TMEM41A: variants seen among roughly 807,000 people sequenced by gnomAD.
The protein encoded by TMEM41A is transmembrane protein 41A.
A neutral mutation model predicts 25.7 loss-of-function variants in TMEM41A; 20 were observed. That is an observed-to-expected ratio of 0.78 (90% CI 0.55 to 1.13). TMEM41A has a LOEUF of 1.13. Among genes scored for constraint, TMEM41A ranks in the 50% most tolerant of loss-of-function variants. The pLI is 0.00. For synonymous variants in TMEM41A, 133 were observed against 139.6 expected, an observed-to-expected ratio of 0.95 and a Z score of 0.33; for missense variants, 299 against 314.3, an observed-to-expected ratio of 0.95 and a Z score of 0.37.
At position 185,496,883 on chromosome 3, in the gene TMEM41A, A is replaced by G. The variant is rs1414850526; in HGVS notation, c.218T>C (p.Phe73Ser). 1 of 1,607,056 alleles carries G rather than the reference A, an allele frequency of 6.2e-7. No individual in the cohort carries two copies. The highest frequency in any genetic ancestry group is 8.5e-7 in the Non-Finnish European group (1 of 1,177,820). The change falls in exon 2 of 5, where the codon TTC becomes TCC. Residue 73 changes from phenylalanine (F) to serine (S), a missense_variant. Phe to Ser is a radical substitution (Grantham distance 155, BLOSUM62 -2). Coordinates refer to ENST00000421852, the MANE Select transcript of TMEM41A (RefSeq NM_080652.4). Reference protein sequence around the residue: ...KEHQAYVFLLFCGAYLYKQGF... With the variant: ...KEHQAYVFLLSCGAYLYKQGF... ...CTGTTTGTAGAGGTAGGCGCCGCAG[A>G]AGAGCAGGAACACGTAGGCCTGGTG...
At position 185,490,270 on chromosome 3, in the gene TMEM41A, TA is replaced by T. The variant is rs1362980464; in HGVS notation, c.*1266del. On this transcript the variant is annotated 3_prime_UTR_variant, in exon 5 of 5. Coordinates refer to ENST00000421852, the MANE Select transcript of TMEM41A (RefSeq NM_080652.4). ...AAGGTTTCCTCTTTGAATTAAAAGA[TA>T]AATTAAAAGATACAATTGTTTAGTT... 6.6e-6 allele frequency: 1 copy of T among 151,574 alleles called. No homozygotes were observed. The highest frequency in any genetic ancestry group is 2.4e-5 in the African/African-American group (1 of 41,442). 9.4% of individuals were successfully genotyped at this position (151,574 alleles called of 1,614,324 possible). A position where few individuals can be genotyped will look rare whatever the true frequency, so the allele number is the denominator to read the frequency against.
At chr3:185,493,099 T>G (rs1719004671) in intron 4 of TMEM41A, 1 of 152,204 alleles carries the variant, frequency 6.6e-6, no homozygotes, top group African/African-American at 2.4e-5. Context: ...TAAGGGAGGT[T>G]TAAGAGAAGA....
At chr3:185,496,554 T>G in intron 2 of TMEM41A, 1 of 476,818 alleles carries the variant, frequency 2.1e-6, no homozygotes, top group Non-Finnish European at 3.9e-6. Flanking sequence ...TTCTTCTAGT[T>G]TCCGACAAGG....
intron 3 of TMEM41A, 61 bp from the exon 4 acceptor site, chr3:185,494,822 T>C: frequency 6.5e-7 from 1 of 1,528,226 alleles, no homozygotes; most frequent in African/African-American, 1.4e-5. Context: ...GTTGAAAACC[T>C]GCTGGTGCCA....
At chr3:185,496,698 CT>C in intron 2 of TMEM41A, 129 bp downstream of exon 2, 1 of 1,209,716 alleles carries the variant, frequency 8.3e-7, no homozygotes, top group Non-Finnish European at 1.2e-6. Flanking sequence ...CTGAGGGCCA[CT>C]GTGTGCCAGC....
At chr3:185,497,138 A>C (rs150646065) in intron 1 of TMEM41A, among the ~76,000 whole-genome samples, 157 bp from the exon 2 acceptor site, 2 of 152,340 alleles carry the variant, frequency 1.3e-5, no homozygotes, top group East Asian at 1.9e-4. Flanking sequence ...ATGACCTGAT[A>C]CGACGTTGCG....
At position 185,495,334 on chromosome 3, in the gene TMEM41A, C is replaced by T; in HGVS notation, c.274-19G>A. Reference sequence around the variant, plus strand: ...AAACATTCTGCAAATAAAACAAACCCTCAGGCATGTGAACATCTGGCAGCT... The same window carrying T: ...AAACATTCTGCAAATAAAACAAACCTTCAGGCATGTGAACATCTGGCAGCT... On this transcript the variant is annotated intron_variant, in intron 2 of 4. Transcript: ENST00000421852. 1.2e-6 allele frequency: 2 copies of T among 1,610,080 alleles called. No homozygotes were observed. The highest frequency in any genetic ancestry group is 2.2e-5 in the South Asian group (2 of 90,716).
intron 2 of TMEM41A, 174 bp from the exon 3 acceptor site, chr3:185,495,489 G>T: frequency 1.5e-6 from 1 of 648,390 alleles, no homozygotes; most frequent in Non-Finnish European, 2.6e-6. Flanking sequence ...CACCCAGGCT[G>T]GAGTACAGTG....
intron 1 of TMEM41A, among the ~76,000 whole-genome samples, chr3:185,497,645 T>C (rs1719142217): frequency 6.6e-6 from 1 of 152,230 alleles, no homozygotes; most frequent in African/African-American, 2.4e-5. Flanking sequence ...CCAAGGGTTA[T>C]AGTAGCAAGG....
rs914109008 is a variant in TMEM41A at position 185,494,857 on chromosome 3, A to C, written c.436-96T>G. The stretch of plus-strand genomic sequence containing the variant: ...AGGCACTGTTCTAGACACTTTACAT[A>C]ATCTGTTCCCAATTCTTCCAACAAC... On this transcript the variant is annotated intron_variant, in intron 3 of 4. Coordinates refer to ENST00000421852, the MANE Select transcript of TMEM41A (RefSeq NM_080652.4). The C allele has an allele frequency of 9.4e-6, 13 of 1,390,004 alleles. No individual in the cohort carries two copies. The Admixed American group carries it at 1.6e-4, about 17-fold the overall frequency. 86.1% of individuals were successfully genotyped at this position (1,390,004 alleles called of 1,614,324 possible).
chr3:185,491,237 T>A lies in TMEM41A; in HGVS notation c.*300A>T, dbSNP rs150811875. ...GGTCTTGAACTCCTGACCTTGTGAA[T>A]CACCGGCCTCGGCCTCCCAAAGTGC... On this transcript the variant is annotated 3_prime_UTR_variant, in exon 5 of 5. Transcript: ENST00000421852. 8.8e-6 allele frequency: 2 copies of A among 226,710 alleles called. No homozygotes were observed. Among genetic ancestry groups the A allele is most frequent in the Non-Finnish European group, 1.8e-5 (2 of 114,102 alleles). 14.0% of individuals were successfully genotyped at this position (226,710 alleles called of 1,614,324 possible).
In TMEM41A at chr3:185,491,171, T is replaced by C. The variant is rs186089460; in HGVS notation, c.*366A>G. Reference sequence around the variant, plus strand: ...TGCCACCACGCCTGGCTAATTTTTGTATTTTTATTAGAGACAGGATTTCAC... The same window carrying C: ...TGCCACCACGCCTGGCTAATTTTTGCATTTTTATTAGAGACAGGATTTCAC... On this transcript the variant is annotated 3_prime_UTR_variant, in exon 5 of 5. Coordinates refer to ENST00000421852, the MANE Select transcript of TMEM41A (RefSeq NM_080652.4). 3.8e-3 allele frequency: 659 copies of C among 175,446 alleles called. 9 individuals carry two copies. The highest frequency in any genetic ancestry group is 0.01 in the East Asian group (66 of 6,344). 10.9% of individuals were successfully genotyped at this position (175,446 alleles called of 1,614,324 possible). A position where few individuals can be genotyped will look rare whatever the true frequency, so the allele number is the denominator to read the frequency against.
intron 4 of TMEM41A, chr3:185,494,004 A>C (rs1339065544): frequency 6.6e-6 from 1 of 152,188 alleles, no homozygotes; most frequent in Non-Finnish European, 1.5e-5. Context: ...AGTAGGCCCC[A>C]AATCTAGATT....
rs749705795 is a variant in TMEM41A, at chr3:185,491,393, T to C, written c.*144A>G. ...ATACACCTTCAAGAGCAGAGTGTCC[T>C]TTCTGAAAAGACACTGCACATTGAT... is the stretch of plus-strand genomic sequence containing the variant. On this transcript the variant is annotated 3_prime_UTR_variant, in exon 5 of 5. Transcript: ENST00000421852. The C allele has an allele frequency of 3.0e-6, 2 of 655,762 alleles. No homozygotes were observed. Among genetic ancestry groups the C allele is most frequent in the Non-Finnish European group, 5.2e-6 (2 of 382,326 alleles). The allele number at this position is 655,762 out of a possible 1,614,324, so 40.6% of individuals were successfully genotyped here.
At chr3:185,491,847 C>T (rs935504081) in intron 4 of TMEM41A, 90 bp from the exon 5 acceptor site, 49 of 997,606 alleles carry the variant, frequency 4.9e-5, no homozygotes, top group Non-Finnish European at 6.4e-5. Flanking sequence ...ACAGTGACTA[C>T]GGTTTTTTTT....
intron 1 of TMEM41A, among the ~76,000 whole-genome samples, chr3:185,497,667 C>T (rs1034950661): frequency 6.6e-6 from 1 of 152,228 alleles, no homozygotes; most frequent in African/African-American, 2.4e-5. Context: ...TATCTTGCCT[C>T]TGCCATCTGA....
intron 2 of TMEM41A, chr3:185,496,163 G>A (rs1719095549): frequency 6.5e-6 from 1 of 154,292 alleles, no homozygotes; most frequent in South Asian, 2.0e-4. Context: ...CATTTTGGTT[G>A]GTAGACATCA....
intron 2 of TMEM41A, chr3:185,495,679 T>G: frequency 4.7e-6 from 1 of 211,778 alleles, no homozygotes; most frequent in Non-Finnish European, 9.7e-6. Flanking sequence ...CGGACTCAAG[T>G]GATCCTCCCA....
chr3:185,491,122 C>T lies in TMEM41A; in HGVS notation c.*415G>A, dbSNP rs558088971. The T allele has an allele frequency of 6.2e-4, 103 of 167,074 alleles. No homozygotes were observed. The highest frequency in any genetic ancestry group is 2.3e-3 in the African/African-American group (96 of 41,626). The allele number at this position is 167,074 out of a possible 1,614,324, so 10.3% of individuals were successfully genotyped here. ...AAGCAATTCTCCTGCCTCAGCCTCC[C>T]GAGTAGCTGGGATTACAGGTGCCTG... is the stretch of plus-strand genomic sequence containing the variant. On this transcript the variant is annotated 3_prime_UTR_variant, in exon 5 of 5. Transcript: ENST00000421852.
Sources: gnomAD v4.1 joint callset for allele counts (sites outside exome capture counted in the v4.1 genomes callset) on GRCh38, gnomAD v4.1.1 for gene constraint, MANE v1.5 for transcripts, NCBI Gene and HGNC (gene_info 2026-07-23, HGNC 2026-07-21) for gene names.